PLXNA4: variants seen among roughly 807,000 people sequenced by gnomAD.
The protein encoded by PLXNA4 is plexin A4.
PLXNA4 carries 44 observed loss-of-function variants against 191.8 expected under a neutral mutation model. That is an observed-to-expected ratio of 0.23 (90% CI 0.18 to 0.29). The LOEUF (loss-of-function observed/expected upper bound fraction) is 0.29, where lower values mean the gene tolerates loss of function less well. Ranked by LOEUF, PLXNA4 falls within the 10% of genes least tolerant of loss-of-function variation. The pLI is 1.00. For synonymous variants in PLXNA4, 1,082 were observed against 1,009.5 expected, an observed-to-expected ratio of 1.07 and a Z score of -1.36; for missense variants, 1,800 against 2,488.8, an observed-to-expected ratio of 0.72 and a Z score of 5.89.
intron 3 of PLXNA4, among the ~76,000 whole-genome samples, chr7:132,367,103 A>G (rs548448936): frequency 3.3e-5 from 5 of 152,248 alleles, no homozygotes; most frequent in Admixed American, 6.5e-5. Flanking sequence ...AGAAAGAGAT[A>G]TCTAAGATTA....
intron 3 of PLXNA4, among the ~76,000 whole-genome samples, chr7:132,436,810 C>T (rs1795488110): frequency 6.6e-6 from 1 of 151,664 alleles, no homozygotes; most frequent in South Asian, 2.1e-4. Context: ...CTATTAAAAT[C>T]CCCAGCCACT....
In PLXNA4 at chr7:132,187,509, C is replaced by G. The variant is rs1423307523; in HGVS notation, c.2955G>C (p.Val985=). ...TGTNLNAGSN[V]VVMFGKQPCL... ...AGGGCTGCTTTCCAAACATCACCACCACGTTGCTTCCGGCATTCAGGTTGG... is the reference window on the plus strand; with the variant it reads ...AGGGCTGCTTTCCAAACATCACCACGACGTTGCTTCCGGCATTCAGGTTGG... The change falls in exon 15 of 32, where the codon GTG becomes GTC. Residue 985 remains valine, a synonymous_variant. Coordinates refer to ENST00000321063, the MANE Select transcript of PLXNA4 (RefSeq NM_020911.2). 1 of 1,614,120 alleles carries G rather than the reference C, an allele frequency of 6.2e-7. No individual in the cohort carries two copies. The highest frequency in any genetic ancestry group is 8.5e-7 in the Non-Finnish European group (1 of 1,179,994).
intron 4 of PLXNA4, among the ~76,000 whole-genome samples, chr7:132,274,983 A>G (rs1800218317): frequency 1.3e-5 from 2 of 151,964 alleles, no homozygotes; most frequent in South Asian, 2.1e-4. Flanking sequence ...CATTTGGTTA[A>G]GATGGTTTCT....
chr7:132,468,376 G>A (rs185396760), intron 3 of PLXNA4, among the ~76,000 whole-genome samples: 1 of 152,234 alleles, frequency 6.6e-6, no homozygotes, highest in African/African-American at 2.4e-5. Context: ...TATGCCGTAT[G>A]TATTCTATAT....
rs1206597622 is a variant in PLXNA4, at chr7:132,334,250, TTC to T, written c.1372-36030_1372-36029del. Among the ~76,000 whole-genome samples, 267 of 128,446 alleles carry T rather than the reference TTC, an allele frequency of 2.1e-3. 1 individual carries two copies. Among genetic ancestry groups the T allele is most frequent in the African/African-American group, 8.6e-3 (262 of 30,346 alleles). The allele number at this position is 128,446 out of a possible 152,430, so 84.3% of individuals were successfully genotyped here. A position where few individuals can be genotyped will look rare whatever the true frequency, so the allele number is the denominator to read the frequency against. ...GATTTCTTTTCTTTTCTTTCTTTCT[TTC>T]TTTTTTTTTTTTTTTTTTTTTTTGA... is the stretch of plus-strand genomic sequence containing the variant. On this transcript the variant is annotated intron_variant, in intron 3 of 31. Coordinates refer to ENST00000321063, the MANE Select transcript of PLXNA4 (RefSeq NM_020911.2).
chr7:132,381,101 C>T (rs1464144855), intron 3 of PLXNA4, among the ~76,000 whole-genome samples: 3 of 152,196 alleles, frequency 2.0e-5, no homozygotes, highest in Non-Finnish European at 4.4e-5. Context: ...TGGAGTATCT[C>T]CAGGATTCCA....
intron 1 of PLXNA4, among the ~76,000 whole-genome samples, chr7:132,520,036 A>G (rs1338197492): frequency 6.6e-6 from 1 of 152,172 alleles, no homozygotes; most frequent in Non-Finnish European, 1.5e-5. Context: ...GCCTTTGTGG[A>G]GGTGCAGGGC....
At chr7:132,574,500 G>C (rs989293905) in intron 1 of PLXNA4, among the ~76,000 whole-genome samples, 1 of 152,248 alleles carries the variant, frequency 6.6e-6, no homozygotes, top group African/African-American at 2.4e-5. Context: ...CACACATGGC[G>C]GGGGCGGGGA....
intron 3 of PLXNA4, among the ~76,000 whole-genome samples, chr7:132,354,988 G>A (rs895427737): frequency 1.3e-5 from 2 of 152,168 alleles, no homozygotes; most frequent in African/African-American, 4.8e-5. Context: ...CCTTCCTTAG[G>A]TGAAACTCTC....
intron 1 of PLXNA4, among the ~76,000 whole-genome samples, chr7:132,509,135 ATCCGCAAAGACT>A (rs1798607687): frequency 7.1e-6 from 1 of 140,072 alleles, no homozygotes; most frequent in African/African-American, 2.6e-5. Context: ...AGCAGGCAGC[ATCCGCAAAGACT>A]GGCTGGAGGA....
chr7:132,401,609 A>G (rs1002638248), intron 3 of PLXNA4, among the ~76,000 whole-genome samples: 3 of 152,218 alleles, frequency 2.0e-5, no homozygotes, highest in African/African-American at 7.2e-5. Flanking sequence ...GTGAAGTGGA[A>G]CTTAATCAGG....
At chr7:132,625,449 C>T (rs1312528986) in intron 2 of PLXNA4, among the ~76,000 whole-genome samples, 1 of 152,204 alleles carries the variant, frequency 6.6e-6, no homozygotes, top group Admixed American at 6.5e-5. Flanking sequence ...AGGGGATATT[C>T]CCCTCTCTCT....
At chr7:132,175,055 G>C in intron 20 of PLXNA4, 135 bp from the exon 21 acceptor site, 5 of 1,391,424 alleles carry the variant, frequency 3.6e-6, no homozygotes, top group Non-Finnish European at 4.8e-6. Context: ...GGAATAACTG[G>C]AGAGGCTATG....
chr7:132,381,242 G>A (rs980007352), intron 3 of PLXNA4, among the ~76,000 whole-genome samples: 6 of 152,166 alleles, frequency 3.9e-5, no homozygotes, highest in South Asian at 2.1e-4. Context: ...CACAGCTGGC[G>A]TGAGGCAGAG....
In PLXNA4 at chr7:132,602,503, A is replaced by G. The variant is rs376390549; in HGVS notation, c.-87+43425T>C. On this transcript the variant is annotated intron_variant, in intron 2 of 4. Transcript: ENST00000378539. Reference sequence around the variant, plus strand: ...GAGTGTTCTGCTCAAAATCAACTTCAAAATCACCTGATTTACATTAAAAAA... The same window carrying G: ...GAGTGTTCTGCTCAAAATCAACTTCGAAATCACCTGATTTACATTAAAAAA... 1.1e-4 allele frequency among the ~76,000 whole-genome samples: 17 copies of G among 152,288 alleles called. No individual in the cohort carries two copies. The East Asian group carries it at 2.1e-3, about 19-fold the overall frequency.
intron 26 of PLXNA4, 37 bp downstream of exon 26, chr7:132,148,506 A>G: frequency 1.2e-6 from 2 of 1,612,716 alleles, no homozygotes; most frequent in South Asian, 1.1e-5. Flanking sequence ...AGGGACTTGT[A>G]GTTGGCTAGC....
At chr7:132,230,650 C>T (rs1798495131) in intron 5 of PLXNA4, among the ~76,000 whole-genome samples, 1 of 152,146 alleles carries the variant, frequency 6.6e-6, no homozygotes, top group Non-Finnish European at 1.5e-5. Context: ...TTACCTTCAG[C>T]CATTAAGCTA....
At chr7:132,443,604 G>A (rs564668797) in intron 3 of PLXNA4, among the ~76,000 whole-genome samples, 9 of 152,254 alleles carry the variant, frequency 5.9e-5, no homozygotes, top group East Asian at 1.9e-4. Flanking sequence ...CCGACACTGC[G>A]CGTGGTCGTG....
intron 3 of PLXNA4, among the ~76,000 whole-genome samples, chr7:132,367,312 G>T (rs73726012): frequency 0.052 from 7,856 of 152,232 alleles, 237 homozygotes; most frequent in African/African-American, 0.066. Context: ...TGGCCTAGCA[G>T]CTCTGTCATG....
Sources: allele counts gnomAD v4.1 joint callset (sites outside exome capture counted in the v4.1 genomes callset), GRCh38; gene constraint gnomAD v4.1.1; transcripts MANE v1.5; gene names NCBI Gene and HGNC (gene_info 2026-07-23, HGNC 2026-07-21).